KCNK13: variants seen among roughly 807,000 people sequenced by gnomAD.
The protein encoded by KCNK13 is potassium channel subfamily K member 13.
KCNK13 carries 12 observed loss-of-function variants against 23.4 expected under a neutral mutation model. That is an observed-to-expected ratio of 0.51 (90% confidence interval 0.33 to 0.83). The LOEUF (loss-of-function observed/expected upper bound fraction) is 0.83, where lower values mean the gene tolerates loss of function less well. Ranked by LOEUF, KCNK13 falls within the 40% of genes least tolerant of loss-of-function variation. The pLI is 0.02. For missense variants in KCNK13, 463 were observed against 556.3 expected, an observed-to-expected ratio of 0.83 and a Z score of 1.69; for synonymous variants, 231 against 229.5, an observed-to-expected ratio of 1.01 and a Z score of -0.06.
intron 1 of KCNK13, among the ~76,000 whole-genome samples, chr14:90,137,611 G>A (rs923460559): frequency 6.6e-5 from 10 of 152,130 alleles, no homozygotes; most frequent in African/African-American, 2.4e-4. Context: ...GTGAGCCACC[G>A]TACCCGGCCC....
intron 1 of KCNK13, among the ~76,000 whole-genome samples, chr14:90,071,334 TTAAAGA>T (rs1889072115): frequency 1.3e-5 from 2 of 152,188 alleles, no homozygotes; most frequent in African/African-American, 4.8e-5. Flanking sequence ...TAAAAGAACC[TTAAAGA>T]GTCTCCAATT....
chr14:90,143,024 A>G (rs1890027817), intron 1 of KCNK13, among the ~76,000 whole-genome samples: 1 of 152,170 alleles, frequency 6.6e-6, no homozygotes, highest in African/African-American at 2.4e-5. Flanking sequence ...CTCTGGTGCC[A>G]ATTGCTGGGC....
At chr14:90,135,406 A>G (rs1889923709) in intron 1 of KCNK13, among the ~76,000 whole-genome samples, 1 of 152,168 alleles carries the variant, frequency 6.6e-6, no homozygotes, top group Non-Finnish European at 1.5e-5. Flanking sequence ...CGACATCTCA[A>G]ACTGTTTCAA....
intron 1 of KCNK13, among the ~76,000 whole-genome samples, chr14:90,143,082 G>T (rs537274884): frequency 6.6e-6 from 1 of 151,428 alleles, no homozygotes; most frequent in Non-Finnish European, 1.5e-5. Flanking sequence ...TGTCCTTCCT[G>T]GTAAGGAAAA....
intron 1 of KCNK13, among the ~76,000 whole-genome samples, chr14:90,064,640 A>G (rs113506605): frequency 0.024 from 3,642 of 152,254 alleles, 131 homozygotes; most frequent in African/African-American, 0.082. Flanking sequence ...TATTTGGTGA[A>G]TATTAGTCCT....
chr14:90,130,277 G>A (rs1889852567), intron 1 of KCNK13, among the ~76,000 whole-genome samples: 1 of 151,650 alleles, frequency 6.6e-6, no homozygotes, highest in Non-Finnish European at 1.5e-5. Flanking sequence ...TCGGCTCACT[G>A]CAGCCTCCGC....
At chr14:90,179,924 G>GC (rs1011577338) in intron 1 of KCNK13, among the ~76,000 whole-genome samples, 16 of 152,028 alleles carry the variant, frequency 1.1e-4, no homozygotes, top group Non-Finnish European at 1.8e-4. Flanking sequence ...GCCAAACCCT[G>GC]CCCCCCCTCT....
chr14:90,088,704 T>C (rs142635347), intron 1 of KCNK13, among the ~76,000 whole-genome samples: 2 of 152,300 alleles, frequency 1.3e-5, no homozygotes, highest in African/African-American at 4.8e-5. Flanking sequence ...GGGAGTGATA[T>C]GGTTTGGCTC....
At chr14:90,077,392 A>G (rs1342754362) in intron 1 of KCNK13, among the ~76,000 whole-genome samples, 1 of 152,126 alleles carries the variant, frequency 6.6e-6, no homozygotes, top group Non-Finnish European at 1.5e-5. Flanking sequence ...AAGTGCTGGG[A>G]TTACAGGTGT....
At chr14:90,130,419 T>C (rs113697902) in intron 1 of KCNK13, among the ~76,000 whole-genome samples, 24,554 of 151,602 alleles carry the variant, frequency 0.16, 2,287 homozygotes, top group South Asian at 0.29. Flanking sequence ...AGGCTGGTCT[T>C]GAACTCCTTA....
chr14:90,160,369 C>T (rs1311092331), intron 1 of KCNK13, among the ~76,000 whole-genome samples: 4 of 152,128 alleles, frequency 2.6e-5, no homozygotes, highest in Non-Finnish European at 5.9e-5. Context: ...TGAACAATTA[C>T]ATGTAATAGT....
intron 1 of KCNK13, among the ~76,000 whole-genome samples, chr14:90,127,817 T>TAA (rs35453411): frequency 0.092 from 7,850 of 84,898 alleles, 572 homozygotes; most frequent in Non-Finnish European, 0.13. Flanking sequence ...AGATGCTATC[T>TAA]AAAAAAAAAA....
chr14:90,128,069 A>G (rs1328127058), intron 1 of KCNK13, among the ~76,000 whole-genome samples: 1 of 152,156 alleles, frequency 6.6e-6, no homozygotes, highest in African/African-American at 2.4e-5. Context: ...ATAGGATTGG[A>G]GGCAATTTTA....
chr14:90,109,125 C>T (rs9671463), intron 1 of KCNK13, among the ~76,000 whole-genome samples: 60 of 150,442 alleles, frequency 4.0e-4, no homozygotes, highest in African/African-American at 1.5e-3. Context: ...TGCAGTGAGC[C>T]GAGGTTGCGC....
chr14:90,146,521 G>A lies in KCNK13; in HGVS notation c.335-37590G>A, dbSNP rs1192356098. ...AGTAGAGATGGGGTTTCACCAAGTT[G>A]GCCAGTCTGGTCTCGAACTCCTGAC... On this transcript the variant is annotated intron_variant, in intron 1 of 1. Transcript: ENST00000282146. 3.3e-5 allele frequency among the ~76,000 whole-genome samples: 5 copies of A among 152,106 alleles called. No individual in the cohort carries two copies. The East Asian group carries it at 7.7e-4, about 23-fold the overall frequency.
chr14:90,157,915 G>A (rs1431777728), intron 1 of KCNK13, among the ~76,000 whole-genome samples: 2 of 152,138 alleles, frequency 1.3e-5, no homozygotes, highest in East Asian at 3.9e-4. Context: ...TGGCCAGGCT[G>A]GTCTCGAGCT....
At chr14:90,117,039 C>T (rs904924118) in intron 1 of KCNK13, among the ~76,000 whole-genome samples, 2 of 152,078 alleles carry the variant, frequency 1.3e-5, no homozygotes, top group African/African-American at 4.8e-5. Context: ...AGATTAACAA[C>T]AATAACTAAG....
At chr14:90,153,927 T>A (rs1890164743) in intron 1 of KCNK13, among the ~76,000 whole-genome samples, 1 of 152,190 alleles carries the variant, frequency 6.6e-6, no homozygotes, top group Admixed American at 6.5e-5. Context: ...CTAGCCTCTG[T>A]CCTGGCGTCA....
At chr14:90,102,936 TC>T (rs1156867978) in intron 1 of KCNK13, among the ~76,000 whole-genome samples, 17 of 152,328 alleles carry the variant, frequency 1.1e-4, no homozygotes, top group Admixed American at 1.1e-3. Flanking sequence ...CCTCCCTCCA[TC>T]CCTGCTCTAG....
Sources: gnomAD v4.1 joint callset for allele counts (sites outside exome capture counted in the v4.1 genomes callset) on GRCh38, gnomAD v4.1.1 for gene constraint, MANE v1.5 for transcripts, NCBI Gene and HGNC (gene_info 2026-07-23, HGNC 2026-07-21) for gene names.